Variants in TENM3 observed in about 807,000 individuals in gnomAD.
The protein encoded by TENM3 is teneurin-3.
A neutral mutation model predicts 255.1 loss-of-function variants in TENM3; 63 were observed. The ratio of observed to expected loss-of-function variants is 0.25; its 90% CI spans 0.20 to 0.30. TENM3 has a LOEUF of 0.30. Among genes scored for constraint, TENM3 ranks in the 10% least tolerant of loss-of-function variants. The pLI, the probability that TENM3 is intolerant of heterozygous loss-of-function variation, is 1.00. For missense variants in TENM3, 2,929 were observed against 3,461.1 expected (o/e 0.85, Z 3.86); for synonymous variants, 1,306 against 1,322.3 (o/e 0.99, Z 0.27).
chr4:181,593,735 G>A, the TENM3 span, among the ~76,000 whole-genome samples: 1 of 152,210 alleles, frequency 6.6e-6, no homozygotes, highest in Admixed American at 6.5e-5. Context: ...GCTTTTCTTA[G>A]TCCAGCCTTG....
chr4:182,791,827 C>T (rs1422499505), intron 25 of TENM3, among the ~76,000 whole-genome samples: 2 of 152,128 alleles, frequency 1.3e-5, no homozygotes, highest in African/African-American at 4.8e-5. Context: ...AGAAATTAAA[C>T]ATGATTTGAG....
At chr4:181,779,361 T>C in the TENM3 span, among the ~76,000 whole-genome samples, 1 of 151,858 alleles carries the variant, frequency 6.6e-6, no homozygotes, top group Non-Finnish European at 1.5e-5. Context: ...TGTTTCCTGT[T>C]AGCCAGTTCT....
At chr4:181,982,109 G>A in the TENM3 span, among the ~76,000 whole-genome samples, 1 of 152,150 alleles carries the variant, frequency 6.6e-6, no homozygotes, top group Non-Finnish European at 1.5e-5. Flanking sequence ...ATAAATATCA[G>A]TGGGAGTAGA....
the TENM3 span, among the ~76,000 whole-genome samples, chr4:181,911,190 G>C: frequency 7.0e-4 from 106 of 152,264 alleles, 1 homozygote; most frequent in African/African-American, 2.5e-3. Flanking sequence ...CAAAATTAGC[G>C]CTGAAACCTG....
At chr4:182,608,466 G>A (rs1015205222) in intron 4 of TENM3, among the ~76,000 whole-genome samples, 1 of 152,016 alleles carries the variant, frequency 6.6e-6, no homozygotes. Flanking sequence ...TTTGTCTACC[G>A]GCTGCTTGGC....
chr4:182,213,926 C>A (rs958196821), intron 1 of TENM3, among the ~76,000 whole-genome samples: 2 of 152,010 alleles, frequency 1.3e-5, no homozygotes, highest in African/African-American at 2.4e-5. Flanking sequence ...CTCAGCCTCC[C>A]GAGTAGCTGG....
At chr4:182,295,609 C>T (rs180987379) in intron 1 of TENM3, among the ~76,000 whole-genome samples, 1 of 151,980 alleles carries the variant, frequency 6.6e-6, no homozygotes, top group South Asian at 2.1e-4. Context: ...AAGATTCTAA[C>T]CCTTGTAGCA....
chr4:182,073,013 A>G, the TENM3 span, among the ~76,000 whole-genome samples: 2 of 152,250 alleles, frequency 1.3e-5, no homozygotes, highest in East Asian at 1.9e-4. Context: ...AGGTCAGGCC[A>G]TGTGTATTAA....
chr4:181,878,710 A>C, the TENM3 span, among the ~76,000 whole-genome samples: 1 of 151,778 alleles, frequency 6.6e-6, no homozygotes, highest in Non-Finnish European at 1.5e-5. Context: ...CTATATACCT[A>C]TTCATCTATC....
intron 3 of TENM3, among the ~76,000 whole-genome samples, chr4:182,543,006 G>A (rs188927944): frequency 3.9e-5 from 6 of 152,308 alleles, no homozygotes; most frequent in East Asian, 3.9e-4. Flanking sequence ...AACCCAAGCC[G>A]TCTAACTTTG....
intron 3 of TENM3, among the ~76,000 whole-genome samples, chr4:182,580,294 T>C (rs1018670030): frequency 2.0e-5 from 3 of 152,110 alleles, no homozygotes; most frequent in African/African-American, 7.2e-5. Flanking sequence ...CTCTTTTCTG[T>C]ATTCTAAATG....
At chr4:182,718,981 A>C (rs1218813162) in intron 13 of TENM3, among the ~76,000 whole-genome samples, 1 of 152,112 alleles carries the variant, frequency 6.6e-6, no homozygotes, top group Non-Finnish European at 1.5e-5. Context: ...TGTCCCTGGC[A>C]GTCGTTACCA....
the TENM3 span, among the ~76,000 whole-genome samples, chr4:181,797,375 C>T: frequency 6.6e-5 from 10 of 152,032 alleles, no homozygotes; most frequent in Non-Finnish European, 1.2e-4. Context: ...GTAGGGCTCC[C>T]GAGACCATTG....
chr4:182,579,521 G>T (rs1356565600), intron 3 of TENM3, among the ~76,000 whole-genome samples: 3 of 152,204 alleles, frequency 2.0e-5, no homozygotes, highest in African/African-American at 7.2e-5. Context: ...TTGAGAAAGA[G>T]GAGGAGATCT....
At chr4:181,966,070 T>C in the TENM3 span, among the ~76,000 whole-genome samples, 2 of 152,206 alleles carry the variant, frequency 1.3e-5, no homozygotes, top group Non-Finnish European at 2.9e-5. Context: ...TGCCTGCATA[T>C]CAATTTGACT....
the TENM3 span, among the ~76,000 whole-genome samples, chr4:182,065,434 C>T: frequency 2.6e-5 from 4 of 152,176 alleles, no homozygotes; most frequent in Non-Finnish European, 4.4e-5. Context: ...CTCACAGTCA[C>T]GGCAGAAGGC....
chr4:182,499,234 G>GT (rs1318642516), intron 3 of TENM3, among the ~76,000 whole-genome samples: 1 of 152,146 alleles, frequency 6.6e-6, no homozygotes, highest in Non-Finnish European at 1.5e-5. Context: ...AAAATTGGAG[G>GT]TTAAAGAACT....
chr4:182,283,703 G>A (rs988983781), intron 1 of TENM3, among the ~76,000 whole-genome samples: 1 of 152,140 alleles, frequency 6.6e-6, no homozygotes, highest in African/African-American at 2.4e-5. Context: ...TTGATACTGC[G>A]GTGGATGTGG....
intron 9 of TENM3, 28 bp downstream of exon 9, chr4:182,680,377 C>G (rs1169184793): frequency 1.9e-6 from 3 of 1,576,716 alleles, no homozygotes; most frequent in Admixed American, 1.7e-5. Flanking sequence ...TTCTCTTAAG[C>G]CGATATAAAT....
Sources: allele counts gnomAD v4.1 joint callset (sites outside exome capture counted in the v4.1 genomes callset), GRCh38; gene constraint gnomAD v4.1.1; transcripts MANE v1.5; gene names NCBI Gene and HGNC (gene_info 2026-07-23, HGNC 2026-07-21).